Variants in CCSER1 observed in about 807,000 individuals in gnomAD.
CCSER1 encodes the protein coiled-coil serine rich protein 1, also known as serine-rich coiled-coil domain-containing protein 1.
CCSER1 carries 41 observed loss-of-function variants against 82.0 expected under a neutral mutation model. The observed-to-expected ratio is 0.50, with a 90% CI of 0.39 to 0.65. CCSER1 has a LOEUF of 0.65. Among genes scored for constraint, CCSER1 ranks in the 30% least tolerant of loss-of-function variants. The pLI is 0.00. For missense variants in CCSER1, 1,119 were observed against 1,064.2 expected (o/e 1.05, Z -0.72); for synonymous variants, 414 against 383.9 (o/e 1.08, Z -0.92).
intron 6 of CCSER1, among the ~76,000 whole-genome samples, chr4:90,695,914 A>G (rs1736913016): frequency 6.6e-6 from 1 of 152,054 alleles, no homozygotes; most frequent in Non-Finnish European, 1.5e-5. Context: ...TGACACAAAG[A>G]GCTAGGTAAC....
At chr4:90,561,622 A>T (rs1302561629) in intron 5 of CCSER1, among the ~76,000 whole-genome samples, 1 of 152,174 alleles carries the variant, frequency 6.6e-6, no homozygotes, top group Non-Finnish European at 1.5e-5. Context: ...TTTGTGGCCA[A>T]ATCCTAGTTG....
intron 10 of CCSER1, among the ~76,000 whole-genome samples, chr4:91,100,600 T>G (rs570183305): frequency 1.3e-5 from 2 of 152,336 alleles, no homozygotes; most frequent in African/African-American, 4.8e-5. Context: ...CTTTGGAATC[T>G]TTATTTAACC....
At chr4:91,038,241 C>T (rs1054421157) in intron 9 of CCSER1, among the ~76,000 whole-genome samples, 4 of 151,952 alleles carry the variant, frequency 2.6e-5, no homozygotes, top group African/African-American at 9.7e-5. Context: ...AATAAATTTT[C>T]ATTACATTTC....
chr4:90,489,374 C>T (rs927891939), intron 5 of CCSER1, among the ~76,000 whole-genome samples: 13 of 152,008 alleles, frequency 8.6e-5, no homozygotes, highest in Non-Finnish European at 2.9e-5. Context: ...TTAAGATATA[C>T]CCCTTTAAAA....
At chr4:90,799,443 T>C (rs1482411734) in intron 7 of CCSER1, among the ~76,000 whole-genome samples, 1 of 152,058 alleles carries the variant, frequency 6.6e-6, no homozygotes, top group East Asian at 1.9e-4. Context: ...AGCTACAGTA[T>C]GGGGAGAGAG....
At chr4:91,311,130 A>T (rs1184017986) in intron 10 of CCSER1, among the ~76,000 whole-genome samples, 1 of 152,020 alleles carries the variant, frequency 6.6e-6, no homozygotes, top group Non-Finnish European at 1.5e-5. Flanking sequence ...ACAGAAGAAG[A>T]TAGGGTTCAT....
intron 8 of CCSER1, among the ~76,000 whole-genome samples, chr4:90,860,693 C>A (rs145052508): frequency 3.3e-5 from 5 of 151,588 alleles, no homozygotes; most frequent in Admixed American, 1.3e-4. Flanking sequence ...ATTATTCATC[C>A]ATGAAAAATA....
At chr4:90,757,871 T>C (rs1449860528) in intron 7 of CCSER1, among the ~76,000 whole-genome samples, 1 of 152,110 alleles carries the variant, frequency 6.6e-6, no homozygotes, top group Non-Finnish European at 1.5e-5. Context: ...AAATGTAAAG[T>C]AGGCAAAGCT....
intron 10 of CCSER1, among the ~76,000 whole-genome samples, chr4:91,496,339 C>A (rs1025711494): frequency 2.7e-5 from 4 of 150,880 alleles, no homozygotes; most frequent in Non-Finnish European, 5.9e-5. Flanking sequence ...TAAACAAACA[C>A]ATCTTGCAAT....
At chr4:91,226,015 A>T (rs1919228) in intron 10 of CCSER1, among the ~76,000 whole-genome samples, 94,364 of 151,670 alleles carry the variant, frequency 0.62, 30,020 homozygotes, top group East Asian at 0.93. Flanking sequence ...TCCTTTTTTT[A>T]AAATTATACT....
At chr4:90,717,726 T>TG in intron 6 of CCSER1, among the ~76,000 whole-genome samples, 1 of 147,390 alleles carries the variant, frequency 6.8e-6, no homozygotes, top group African/African-American at 2.5e-5. Flanking sequence ...GTATGTGTGT[T>TG]TATATATATA....
At chr4:90,395,660 G>A (rs1751842450) in intron 3 of CCSER1, among the ~76,000 whole-genome samples, 1 of 146,746 alleles carries the variant, frequency 6.8e-6, no homozygotes, top group Non-Finnish European at 1.5e-5. Flanking sequence ...GTGCTCTTAT[G>A]TCTTTTTTTT....
intron 3 of CCSER1, among the ~76,000 whole-genome samples, chr4:90,316,682 A>G (rs374381158): frequency 6.6e-6 from 1 of 152,214 alleles, no homozygotes; most frequent in East Asian, 1.9e-4. Context: ...CAATTCTCAT[A>G]ATAAAATATG....
Position 90,309,702 on chromosome 4 carries a change from A to G in CCSER1, c.1324+94A>G, listed in dbSNP as rs556427384. 7.3e-5 allele frequency: 71 copies of G among 970,266 alleles called. No homozygotes were observed. In the Middle Eastern group the frequency reaches 1.7e-3, roughly 23 times the overall value. The allele number at this position is 970,266 out of a possible 1,614,324, so 60.1% of individuals were successfully genotyped here. The stretch of plus-strand genomic sequence containing the variant: ...ATTCCATCTCATGAATGGAAACCAC[A>G]TTTTTCTTGTTTTTCACTTTCGAAA... On this transcript the variant is annotated intron_variant, in intron 2 of 10. Coordinates refer to ENST00000509176, the MANE Select transcript of CCSER1 (RefSeq NM_001145065.2).
At chr4:90,669,774 A>T (rs1364257299) in intron 6 of CCSER1, among the ~76,000 whole-genome samples, 1 of 152,122 alleles carries the variant, frequency 6.6e-6, no homozygotes, top group Non-Finnish European at 1.5e-5. Flanking sequence ...TTGTAGATAT[A>T]AGTTATATTA....
chr4:90,473,933 T>TG (rs1764729339), intron 5 of CCSER1, among the ~76,000 whole-genome samples: 1 of 152,194 alleles, frequency 6.6e-6, no homozygotes, highest in African/African-American at 2.4e-5. Flanking sequence ...CTCTGCATAG[T>TG]GCTAGGGGTT....
intron 1 of CCSER1, among the ~76,000 whole-genome samples, chr4:90,299,299 C>T (rs373999779): frequency 4.6e-5 from 7 of 151,982 alleles, no homozygotes; most frequent in African/African-American, 1.4e-4. Context: ...TGCTTATATA[C>T]CATGTTTTGT....
At chr4:90,135,096 T>G (rs1342330305) in intron 1 of CCSER1, among the ~76,000 whole-genome samples, 1 of 152,214 alleles carries the variant, frequency 6.6e-6, no homozygotes, top group Non-Finnish European at 1.5e-5. Context: ...AACTTGAGCC[T>G]TAACCATGCT....
At chr4:90,544,349 C>T (rs533485137) in intron 5 of CCSER1, among the ~76,000 whole-genome samples, 2 of 152,122 alleles carry the variant, frequency 1.3e-5, no homozygotes, top group South Asian at 2.1e-4. Context: ...CTGTTATATG[C>T]GTGGTTATGA....
Sources: allele counts gnomAD v4.1 joint callset (sites outside exome capture counted in the v4.1 genomes callset), GRCh38; gene constraint gnomAD v4.1.1; transcripts MANE v1.5; gene names NCBI Gene and HGNC (gene_info 2026-07-23, HGNC 2026-07-21).